The following RFX3 variants were observed in gnomAD, a reference collection of about 807,000 sequenced individuals.
RFX3 encodes the protein transcription factor RFX3.
Under a neutral mutation model 98.6 loss-of-function variants are expected in RFX3, and 14 were observed. That is an observed-to-expected ratio of 0.14 (90% CI 0.09 to 0.22). RFX3 has a LOEUF of 0.22. Ranked by LOEUF, RFX3 falls within the 10% of genes least tolerant of loss-of-function variation. RFX3 has a pLI of 1.00. For missense variants in RFX3, 639 were observed against 926.9 expected (o/e 0.69, Z 4.03); for synonymous variants, 383 against 328.4 (o/e 1.17, Z -1.80).
At chr9:3,417,043 A>C (rs1011738495) in intron 1 of RFX3, among the ~76,000 whole-genome samples, 1 of 151,952 alleles carries the variant, frequency 6.6e-6, no homozygotes, top group Non-Finnish European at 1.5e-5. Flanking sequence ...TAAAATATAT[A>C]TAATGCTATA....
At chr9:3,426,639 G>A (rs554759930) in intron 1 of RFX3, among the ~76,000 whole-genome samples, 143 of 152,218 alleles carry the variant, frequency 9.4e-4, no homozygotes, top group Middle Eastern at 6.8e-3. Context: ...GGCAGCATTC[G>A]ATTCTCATAG....
At chr9:3,238,165 G>C (rs1216035763) in intron 15 of RFX3, among the ~76,000 whole-genome samples, 1 of 152,090 alleles carries the variant, frequency 6.6e-6, no homozygotes, top group Non-Finnish European at 1.5e-5. Context: ...CGATAAAACA[G>C]TAAAATTCCA....
At chr9:3,331,090 G>A (rs117667057) in intron 3 of RFX3, among the ~76,000 whole-genome samples, 1 of 152,086 alleles carries the variant, frequency 6.6e-6, no homozygotes, top group Admixed American at 6.6e-5. Context: ...TCACACTTAA[G>A]CTCCTCCTTT....
intron 4 of RFX3, among the ~76,000 whole-genome samples, chr9:3,321,171 T>C (rs1039252253): frequency 1.3e-5 from 2 of 152,136 alleles, no homozygotes; most frequent in Non-Finnish European, 2.9e-5. Context: ...CCCAAACTGC[T>C]GGGATTACAC....
intron 1 of RFX3, among the ~76,000 whole-genome samples, chr9:3,502,658 A>G (rs1316451856): frequency 6.6e-6 from 1 of 152,206 alleles, no homozygotes; most frequent in Non-Finnish European, 1.5e-5. Flanking sequence ...AATTCAAAAT[A>G]TTAAATTTAA....
At chr9:3,492,763 T>G (rs1003557811) in intron 1 of RFX3, among the ~76,000 whole-genome samples, 1 of 152,148 alleles carries the variant, frequency 6.6e-6, no homozygotes, top group African/African-American at 2.4e-5. Flanking sequence ...AGAACAGAAC[T>G]GCTAAAAAAA....
At chr9:3,436,244 C>G (rs1455270711) in intron 1 of RFX3, among the ~76,000 whole-genome samples, 1 of 151,912 alleles carries the variant, frequency 6.6e-6, no homozygotes, top group Non-Finnish European at 1.5e-5. Flanking sequence ...TCCCAATATC[C>G]TTCTAGATTT....
chr9:3,380,722 C>G, intron 2 of RFX3, among the ~76,000 whole-genome samples: 1 of 152,246 alleles, frequency 6.6e-6, no homozygotes, highest in East Asian at 1.9e-4. Flanking sequence ...TATTACCAAC[C>G]AAAATGAAGA....
intron 4 of RFX3, among the ~76,000 whole-genome samples, chr9:3,319,452 C>T (rs1831007262): frequency 3.3e-5 from 5 of 151,916 alleles, no homozygotes; most frequent in Admixed American, 3.3e-4. Context: ...CCAGTTAACT[C>T]TAATTAAAGG....
chr9:3,305,701 G>C (rs138371240), intron 4 of RFX3, among the ~76,000 whole-genome samples: 150 of 152,156 alleles, frequency 9.9e-4, no homozygotes, highest in African/African-American at 3.5e-3. Flanking sequence ...CAAGGGGGTA[G>C]TTTTATGCAT....
intron 1 of RFX3, among the ~76,000 whole-genome samples, chr9:3,415,159 ATATATATATACT>A (rs1842876235): frequency 7.2e-6 from 1 of 138,154 alleles, no homozygotes; most frequent in African/African-American, 2.7e-5. Flanking sequence ...ATATATTCTT[ATATATATATACT>A]TATATATATA....
intron 4 of RFX3, among the ~76,000 whole-genome samples, chr9:3,313,476 C>T (rs535511833): frequency 6.6e-5 from 10 of 152,310 alleles, no homozygotes; most frequent in East Asian, 1.9e-4. Context: ...TCCAAAGGAA[C>T]GCAGCTCCCC....
At chr9:3,267,145 C>A (rs935765597) in intron 11 of RFX3, among the ~76,000 whole-genome samples, 1 of 151,940 alleles carries the variant, frequency 6.6e-6, no homozygotes, top group African/African-American at 2.4e-5. Context: ...GAATACTTTC[C>A]TTGTTCAACA....
chr9:3,425,761 G>T (rs1843956617), intron 1 of RFX3, among the ~76,000 whole-genome samples: 1 of 151,956 alleles, frequency 6.6e-6, no homozygotes, highest in Non-Finnish European at 1.5e-5. Context: ...CTTCACCTCT[G>T]TAATTGCAAT....
At chr9:3,342,110 G>C (rs1172129474) in intron 3 of RFX3, among the ~76,000 whole-genome samples, 1 of 152,148 alleles carries the variant, frequency 6.6e-6, no homozygotes, top group Non-Finnish European at 1.5e-5. Context: ...TTCAAGAGAT[G>C]ACTATAGGTA....
At position 3,284,482 on chromosome 9, in the gene RFX3, T is replaced by TA. The variant is rs756777128; in HGVS notation, c.851+3648dup. The stretch of plus-strand genomic sequence containing the variant: ...AAGTATTTTCAATAGAAGTTTTTTT[T>TA]AAAAAAACTGTTACACAGTCTCCTG... On this transcript the variant is annotated intron_variant, in intron 7 of 16. Coordinates refer to ENST00000617270, the MANE Select transcript of RFX3 (RefSeq NM_001282116.2). Among the ~76,000 whole-genome samples the TA allele has an allele frequency of 9.2e-5, 14 of 151,670 alleles. No homozygotes were observed. The East Asian group carries it at 1.9e-3, about 21-fold the overall frequency.
intron 14 of RFX3, among the ~76,000 whole-genome samples, chr9:3,249,862 C>T (rs1220076741): frequency 6.6e-6 from 1 of 151,934 alleles, no homozygotes; most frequent in Non-Finnish European, 1.5e-5. Context: ...ATAATATATT[C>T]ATTATCATAA....
chr9:3,461,156 A>C (rs984826514), intron 1 of RFX3, among the ~76,000 whole-genome samples: 1 of 151,524 alleles, frequency 6.6e-6, no homozygotes, highest in African/African-American at 2.4e-5. Context: ...AATGTTTATA[A>C]AGCTCTTCAC....
At chr9:3,349,621 G>A (rs1366698702) in intron 2 of RFX3, among the ~76,000 whole-genome samples, 2 of 151,878 alleles carry the variant, frequency 1.3e-5, no homozygotes, top group African/African-American at 4.8e-5. Flanking sequence ...CTATGTTTAG[G>A]TTTATCCTTT....
Sources: allele counts gnomAD v4.1 joint callset (sites outside exome capture counted in the v4.1 genomes callset), GRCh38; gene constraint gnomAD v4.1.1; transcripts MANE v1.5; gene names NCBI Gene and HGNC (gene_info 2026-07-23, HGNC 2026-07-21).